The following SLIT2 variants were observed in gnomAD, a reference collection of about 807,000 sequenced individuals.
The protein encoded by SLIT2 is slit homolog 2 protein.
Under a neutral mutation model 185.7 loss-of-function variants are expected in SLIT2, and 41 were observed. The ratio of observed to expected loss-of-function variants is 0.22; its 90% confidence interval spans 0.17 to 0.29. The LOEUF is 0.29. Ranked by LOEUF, SLIT2 falls within the 10% of genes least tolerant of loss-of-function variation. The probability of loss-of-function intolerance (pLI) is 1.00; values close to 1 mark genes in which losing one functional copy is unlikely to be tolerated. For missense variants in SLIT2, 1,571 were observed against 1,909.0 expected (o/e 0.82, Z 3.30); for synonymous variants, 693 against 680.2 (o/e 1.02, Z -0.29).
intron 11 of SLIT2, among the ~76,000 whole-genome samples, chr4:20,512,144 G>A (rs762539773): frequency 3.0e-4 from 46 of 152,014 alleles, no homozygotes; most frequent in Non-Finnish European, 5.9e-4. Context: ...TTTAAGAGCC[G>A]AAACTCAGAG....
chr4:20,298,334 C>T (rs1380677746), intron 4 of SLIT2, among the ~76,000 whole-genome samples: 1 of 152,154 alleles, frequency 6.6e-6, no homozygotes, highest in Non-Finnish European at 1.5e-5. Flanking sequence ...GGTGATCTGC[C>T]TGCCTTGGCC....
rs1338695307 is a variant in SLIT2, at chr4:20,488,813, AT to A, written c.612-3del. The A allele has an allele frequency of 6.4e-7, 1 of 1,567,824 alleles. No individual in the cohort carries two copies. Among genetic ancestry groups the A allele is most frequent in the East Asian group, 2.3e-5 (1 of 44,002 alleles). On this transcript the variant is annotated splice_polypyrimidine_tract_variant and splice_region_variant and intron_variant, in intron 7 of 36. Transcript: ENST00000504154. ...CTTGCTTTACACTTCTTTTTTTCTC[AT>A]TTAGTCGACTGCATTCAAACAACCT...
intron 4 of SLIT2, among the ~76,000 whole-genome samples, chr4:20,433,436 G>A (rs945897113): frequency 2.6e-5 from 4 of 152,254 alleles, no homozygotes; most frequent in Admixed American, 6.5e-5. Context: ...TCAGATTCCC[G>A]GAGTGTGGTG....
intron 29 of SLIT2, among the ~76,000 whole-genome samples, chr4:20,585,457 A>G (rs1461901602): frequency 6.6e-6 from 1 of 152,224 alleles, no homozygotes; most frequent in African/African-American, 2.4e-5. Context: ...CCCATGGCTG[A>G]AAATAAATAA....
chr4:20,480,263 T>C (rs1716557508), intron 5 of SLIT2, among the ~76,000 whole-genome samples: 1 of 152,188 alleles, frequency 6.6e-6, no homozygotes, highest in Non-Finnish European at 1.5e-5. Flanking sequence ...AGTCTTGCTC[T>C]CTCATGCCAA....
At chr4:20,455,388 T>C (rs901784055) in intron 4 of SLIT2, among the ~76,000 whole-genome samples, 14 of 152,106 alleles carry the variant, frequency 9.2e-5, no homozygotes, top group Non-Finnish European at 1.8e-4. Flanking sequence ...AGGCATTCTT[T>C]GATAGCCATG....
At chr4:20,502,055 TCA>T (rs1306238190) in intron 9 of SLIT2, among the ~76,000 whole-genome samples, 3 of 152,094 alleles carry the variant, frequency 2.0e-5, no homozygotes, top group African/African-American at 7.2e-5. Flanking sequence ...ATACATATAC[TCA>T]CACACACACA....
intron 26 of SLIT2, among the ~76,000 whole-genome samples, chr4:20,558,419 C>G (rs1320249354): frequency 6.6e-6 from 1 of 152,046 alleles, no homozygotes; most frequent in Non-Finnish European, 1.5e-5. Flanking sequence ...ACTGAAGGCT[C>G]AGATGATCAT....
In SLIT2 at chr4:20,574,025, G is replaced by A. The variant is rs1725855239; in HGVS notation, c.3088+5021G>A. ...GCTGGAGTGCAGTGGCGCAATCTCG[G>A]CTCACTGCAAGCTCCACCTCCCAGG... On this transcript the variant is annotated intron_variant, in intron 29 of 36. Coordinates refer to ENST00000504154, the MANE Select transcript of SLIT2 (RefSeq NM_004787.4). Among the ~76,000 whole-genome samples the A allele has an allele frequency of 2.6e-5, 4 of 151,716 alleles. No individual in the cohort carries two copies. In the South Asian group the frequency reaches 8.3e-4, roughly 32 times the overall value.
intron 4 of SLIT2, among the ~76,000 whole-genome samples, chr4:20,420,975 A>C (rs895727793): frequency 6.6e-6 from 1 of 152,076 alleles, no homozygotes; most frequent in Non-Finnish European, 1.5e-5. Context: ...TGAGAGAATA[A>C]ATTTCTGTTC....
intron 24 of SLIT2, among the ~76,000 whole-genome samples, chr4:20,550,027 A>G (rs987919111): frequency 3.3e-5 from 5 of 152,072 alleles, no homozygotes; most frequent in African/African-American, 1.2e-4. Flanking sequence ...TCCAAAAGTA[A>G]CTGTCTTGTT....
chr4:20,311,079 A>C (rs1382094227), intron 4 of SLIT2, among the ~76,000 whole-genome samples: 1 of 152,102 alleles, frequency 6.6e-6, no homozygotes, highest in African/African-American at 2.4e-5. Flanking sequence ...GTTGAAATGG[A>C]TGTCTTACTA....
rs1345718731 is a variant in SLIT2, at chr4:20,484,632, A to T, written c.540-1568A>T. Among the ~76,000 whole-genome samples, 1 of 152,150 alleles carries T rather than the reference A, an allele frequency of 6.6e-6. No homozygotes were observed. Reference sequence around the variant, plus strand: ...GCACCATCAATAACCGCAGCCACCAACTGGCCCAGAGTGGCCTCAAAAATA... The same window carrying T: ...GCACCATCAATAACCGCAGCCACCATCTGGCCCAGAGTGGCCTCAAAAATA... On this transcript the variant is annotated intron_variant, in intron 6 of 36. Coordinates refer to ENST00000504154, the MANE Select transcript of SLIT2 (RefSeq NM_004787.4). This position sits in a 1 kb window ranked among gnomAD's most constrained non-coding sequence, Gnocchi z 4.3.
At chr4:20,319,370 G>T (rs1718853655) in intron 4 of SLIT2, among the ~76,000 whole-genome samples, 1 of 152,136 alleles carries the variant, frequency 6.6e-6, no homozygotes, top group Non-Finnish European at 1.5e-5. Context: ...GGTGAAATAA[G>T]ATGTGATTAT....
chr4:20,271,053 C>T (rs1365434872), intron 4 of SLIT2, among the ~76,000 whole-genome samples: 2 of 151,924 alleles, frequency 1.3e-5, no homozygotes, highest in Non-Finnish European at 2.9e-5. Flanking sequence ...TCACTACTGG[C>T]TAGTGTAATT....
intron 4 of SLIT2, among the ~76,000 whole-genome samples, chr4:20,318,111 T>C (rs1342349303): frequency 1.3e-5 from 2 of 152,192 alleles, no homozygotes; most frequent in African/African-American, 4.8e-5. Context: ...GTCCATTTTA[T>C]GCTTGTTTCC....
intron 12 of SLIT2, among the ~76,000 whole-genome samples, chr4:20,523,401 T>G (rs1721010070): frequency 8.9e-6 from 1 of 111,778 alleles, no homozygotes; most frequent in African/African-American, 3.4e-5. Flanking sequence ...GCACAGAGTG[T>G]CCTGAGGGAT....
In SLIT2 at chr4:20,252,174, C is replaced by T. The variant is rs974592197; in HGVS notation, c.-1642C>T. 1.3e-5 allele frequency among the ~76,000 whole-genome samples: 2 copies of T among 151,750 alleles called. No homozygotes were observed. The highest frequency in any genetic ancestry group is 6.5e-5 in the Admixed American group (1 of 15,270). The stretch of plus-strand genomic sequence containing the variant: ...AGGCGCGGGCCGGGTTTTTGTTTGG[C>T]TACGCTGAGCGCCAGTCAGCCCCAG... On this transcript the variant is annotated 5_prime_UTR_variant, in exon 1 of 37. Transcript: ENST00000504154.
chr4:20,614,650 G>A (rs1471791805), intron 34 of SLIT2, among the ~76,000 whole-genome samples: 1 of 151,750 alleles, frequency 6.6e-6, no homozygotes, highest in African/African-American at 2.4e-5. Flanking sequence ...GGTGGTGCAT[G>A]CCTGTAATCC....
Sources: allele counts gnomAD v4.1 joint callset (sites outside exome capture counted in the v4.1 genomes callset), GRCh38; gene constraint gnomAD v4.1.1; non-coding constraint Gnocchi (gnomAD v3.1); transcripts MANE v1.5; gene names NCBI Gene and HGNC (gene_info 2026-07-23, HGNC 2026-07-21).